RPS6KA2: variants seen among roughly 807,000 people sequenced by gnomAD.
RPS6KA2 encodes ribosomal protein S6 kinase alpha-2.
Under a neutral mutation model 91.8 loss-of-function variants are expected in RPS6KA2, and 42 were observed. That is an observed-to-expected ratio of 0.46 (90% CI 0.36 to 0.59). The LOEUF is 0.59. RPS6KA2 is among the 20% of genes least tolerant of loss of function. The pLI, the probability that RPS6KA2 is intolerant of heterozygous loss-of-function variation, is 0.00. For synonymous variants in RPS6KA2, 414 were observed against 393.6 expected (o/e 1.05, Z -0.61); for missense variants, 798 against 978.5 (o/e 0.82, Z 2.46).
intron 2 of RPS6KA2, among the ~76,000 whole-genome samples, chr6:166,846,166 T>C (rs770773840): frequency 1.8e-4 from 27 of 151,918 alleles, no homozygotes; most frequent in African/African-American, 2.4e-4. Context: ...CAGGAAGATA[T>C]AGAAACTCTG....
At chr6:166,689,656 A>G (rs1242653456) in intron 2 of RPS6KA2, among the ~76,000 whole-genome samples, 1 of 152,088 alleles carries the variant, frequency 6.6e-6, no homozygotes, top group African/African-American at 2.4e-5. Context: ...GGTGTGGGAG[A>G]CTGAGTGCAG....
intron 2 of RPS6KA2, among the ~76,000 whole-genome samples, chr6:166,781,999 G>A (rs963342165): frequency 2.0e-5 from 3 of 152,166 alleles, no homozygotes; most frequent in African/African-American, 7.2e-5. Context: ...AACCAAAAAT[G>A]TCTCTAGAGG....
At chr6:166,672,921 G>A (rs73259074) in intron 2 of RPS6KA2, among the ~76,000 whole-genome samples, 23,431 of 152,132 alleles carry the variant, frequency 0.15, 2,201 homozygotes, top group African/African-American at 0.25. Context: ...GCACTCTTCC[G>A]CGTCCCTGGC....
chr6:166,633,941 C>T (rs115407171), intron 2 of RPS6KA2, among the ~76,000 whole-genome samples: 237 of 152,184 alleles, frequency 1.6e-3, no homozygotes, highest in African/African-American at 5.1e-3. Context: ...TAGAGGGACA[C>T]GGGGACGGTT....
At chr6:166,631,264 G>A (rs771679562), upstream of RPS6KA2, among the ~76,000 whole-genome samples, 1 of 152,368 alleles carries the variant, frequency 6.6e-6, no homozygotes, top group East Asian at 1.9e-4. Context: ...CAGAGGGCCT[G>A]GTTTCTGAGT....
chr6:166,589,731 G>C lies in RPS6KA2; in HGVS notation c.99+37190C>G, dbSNP rs190033565. On this transcript the variant is annotated intron_variant, in intron 1 of 20. Coordinates refer to ENST00000265678, the MANE Select transcript of RPS6KA2 (RefSeq NM_021135.6). ...CTCCAGCATCTCTGCATGAAAAACA[G>C]AGCGTGGTCTATCAGTCTTACAGAA... Among the ~76,000 whole-genome samples the C allele has an allele frequency of 1.7e-3, 255 of 152,362 alleles. 1 individual carries two copies. The highest frequency in any genetic ancestry group is 2.2e-3 in the Non-Finnish European group (147 of 68,034).
intron 2 of RPS6KA2, among the ~76,000 whole-genome samples, chr6:166,795,015 A>G (rs1779188628): frequency 6.6e-6 from 1 of 151,762 alleles, no homozygotes; most frequent in African/African-American, 2.4e-5. Flanking sequence ...TAAAATAAAA[A>G]TAAATAAATA....
At chr6:166,598,601 T>TCA (rs1369045020) in intron 1 of RPS6KA2, among the ~76,000 whole-genome samples, 1 of 152,172 alleles carries the variant, frequency 6.6e-6, no homozygotes, top group Non-Finnish European at 1.5e-5. Context: ...ATGCACTGAG[T>TCA]CACGGGTGGT....
intron 2 of RPS6KA2, among the ~76,000 whole-genome samples, chr6:166,789,144 C>T (rs113607059): frequency 0.17 from 25,260 of 152,112 alleles, 2,258 homozygotes; most frequent in African/African-American, 0.21. Flanking sequence ...CCTGGAAAAT[C>T]GGGTCACTCC....
At chr6:166,780,456 G>A (rs561964959) in intron 2 of RPS6KA2, among the ~76,000 whole-genome samples, 4 of 152,266 alleles carry the variant, frequency 2.6e-5, no homozygotes, top group South Asian at 2.1e-4. Context: ...CCAGGCCTGC[G>A]GCACCTGGAC....
chr6:166,430,698 C>T (rs1384875491), intron 15 of RPS6KA2, 87 bp from the exon 16 acceptor site: 1 of 1,408,310 alleles, frequency 7.1e-7, no homozygotes. Flanking sequence ...AGAGGGAAGT[C>T]AGAGGGGAGA....
At chr6:166,728,426 G>A (rs1050707178) in intron 2 of RPS6KA2, among the ~76,000 whole-genome samples, 1 of 152,122 alleles carries the variant, frequency 6.6e-6, no homozygotes, top group African/African-American at 2.4e-5. Flanking sequence ...GCGTTGCAGT[G>A]GATAAAAAAG....
At chr6:166,571,110 C>G (rs560026656) in intron 1 of RPS6KA2, among the ~76,000 whole-genome samples, 1 of 152,216 alleles carries the variant, frequency 6.6e-6, no homozygotes, top group Non-Finnish European at 1.5e-5. Context: ...ACCCCAGGAC[C>G]GATGAGGCCG....
At chr6:166,467,787 G>A (rs979294654) in intron 11 of RPS6KA2, among the ~76,000 whole-genome samples, 4 of 152,236 alleles carry the variant, frequency 2.6e-5, no homozygotes, top group African/African-American at 7.2e-5. Flanking sequence ...TCTGTCCACC[G>A]CCTTTCTCTG....
intron 3 of RPS6KA2, among the ~76,000 whole-genome samples, chr6:166,529,357 T>A (rs1052119371): frequency 7.9e-5 from 12 of 151,832 alleles, no homozygotes; most frequent in African/African-American, 2.7e-4. Flanking sequence ...CACTCATAGG[T>A]GGGAATTGAA....
intron 3 of RPS6KA2, among the ~76,000 whole-genome samples, chr6:166,513,942 G>A (rs2128484305): frequency 6.6e-6 from 1 of 152,316 alleles, no homozygotes; most frequent in South Asian, 2.1e-4. Flanking sequence ...CTCTCCTGCA[G>A]AATTTAGTCT....
rs1420957835 is a variant in RPS6KA2 at position 166,410,009 on chromosome 6, G to A, written c.*2753C>T. On this transcript the variant is annotated 3_prime_UTR_variant, in exon 21 of 21. Transcript: ENST00000265678. Reference sequence around the variant, plus strand: ...TGACTTTGGGATGGAATTCAGCAAAGCTCTCCCACTGCAGATTGGGAGAAT... The same window carrying A: ...TGACTTTGGGATGGAATTCAGCAAAACTCTCCCACTGCAGATTGGGAGAAT... 1 of 152,200 alleles carries A rather than the reference G, an allele frequency of 6.6e-6. No homozygotes were observed. Among genetic ancestry groups the A allele is most frequent in the East Asian group, 1.9e-4 (1 of 5,198 alleles). 9.4% of individuals were successfully genotyped at this position (152,200 alleles called of 1,614,324 possible).
chr6:166,682,379 T>C (rs1788850795), intron 2 of RPS6KA2, among the ~76,000 whole-genome samples: 1 of 152,200 alleles, frequency 6.6e-6, no homozygotes, highest in Non-Finnish European at 1.5e-5. Context: ...ACATCATAAA[T>C]CCAGAGCCAT....
At chr6:166,789,038 C>A (rs959768026) in intron 2 of RPS6KA2, among the ~76,000 whole-genome samples, 1 of 152,086 alleles carries the variant, frequency 6.6e-6, no homozygotes, top group African/African-American at 2.4e-5. Context: ...GCATACCGTG[C>A]GCGAGCTGAA....
Sources: gnomAD v4.1 joint callset for allele counts (sites outside exome capture counted in the v4.1 genomes callset) on GRCh38, gnomAD v4.1.1 for gene constraint, MANE v1.5 for transcripts, NCBI Gene and HGNC (gene_info 2026-07-23, HGNC 2026-07-21) for gene names.